Variants in CACNA2D3 observed in about 807,000 individuals in gnomAD.
The protein encoded by CACNA2D3 is voltage-dependent calcium channel subunit alpha-2/delta-3.
In CACNA2D3, 60 loss-of-function variants were observed where a neutral mutation model predicts 160.6. That is an observed-to-expected ratio of 0.37 (90% CI 0.30 to 0.46). The LOEUF (loss-of-function observed/expected upper bound fraction) is 0.46. Among genes scored for constraint, CACNA2D3 ranks in the 20% least tolerant of loss-of-function variants. The pLI is 1.00. For synonymous variants in CACNA2D3, 558 were observed against 492.9 expected (o/e 1.13, Z -1.75); for missense variants, 1,205 against 1,365.0 (o/e 0.88, Z 1.85).
intron 5 of CACNA2D3, among the ~76,000 whole-genome samples, chr3:54,515,161 CGTGTGTGTGTGTCTGT>C (rs1359319368): frequency 7.5e-6 from 1 of 133,234 alleles, no homozygotes; most frequent in African/African-American, 2.8e-5. Context: ...TAGTAAAATC[CGTGTGTGTGTGTCTGT>C]GTGTGTGTGT....
chr3:54,798,460 C>T (rs932144499), intron 13 of CACNA2D3, among the ~76,000 whole-genome samples: 7 of 152,154 alleles, frequency 4.6e-5, no homozygotes, highest in African/African-American at 1.2e-4. Flanking sequence ...TGCTTGAACC[C>T]GAGAGGCAGA....
In CACNA2D3 at chr3:54,715,274, A is replaced by G. The variant is rs1337328559; in HGVS notation, c.1168-37325A>G. 4.6e-5 allele frequency among the ~76,000 whole-genome samples: 7 copies of G among 152,280 alleles called. No homozygotes were observed. The East Asian group carries it at 1.2e-3, about 25-fold the overall frequency. Reference sequence around the variant, plus strand: ...CACGTTTATTATAAAGGATATTACAAAGGATACAGTTCAACAGCCAGATGG... The same window carrying G: ...CACGTTTATTATAAAGGATATTACAGAGGATACAGTTCAACAGCCAGATGG... On this transcript the variant is annotated intron_variant, in intron 11 of 37. Coordinates refer to ENST00000474759, the MANE Select transcript of CACNA2D3 (RefSeq NM_018398.3).
At chr3:54,683,577 A>G (rs1408250535) in intron 11 of CACNA2D3, among the ~76,000 whole-genome samples, 2 of 152,160 alleles carry the variant, frequency 1.3e-5, no homozygotes, top group Non-Finnish European at 2.9e-5. Flanking sequence ...AATAATGCAT[A>G]CAATACACAC....
At chr3:54,996,971 A>G (rs796147209) in intron 31 of CACNA2D3, among the ~76,000 whole-genome samples, 9 of 152,250 alleles carry the variant, frequency 5.9e-5, no homozygotes, top group African/African-American at 9.6e-5. Context: ...GAGTTGAACA[A>G]TGAGAACACA....
intron 14 of CACNA2D3, among the ~76,000 whole-genome samples, chr3:54,820,494 A>G (rs891425844): frequency 6.6e-5 from 10 of 152,232 alleles, no homozygotes; most frequent in Admixed American, 3.3e-4. Flanking sequence ...CCTAGACTCT[A>G]TAAATTTCAA....
rs538290415 is a variant in CACNA2D3, at chr3:54,909,067, G to A, written c.2449+9199G>A. Among the ~76,000 whole-genome samples the A allele has an allele frequency of 1.2e-4, 18 of 152,332 alleles. No homozygotes were observed. The East Asian group carries it at 3.3e-3, about 28-fold the overall frequency. On this transcript the variant is annotated intron_variant, in intron 27 of 37. Coordinates refer to ENST00000474759, the MANE Select transcript of CACNA2D3 (RefSeq NM_018398.3). The stretch of plus-strand genomic sequence containing the variant: ...ATCAGAGGTTATGTAAGTGGATGCC[G>A]AAGACAGAGCTTTGTGTATCAGAGG...
At chr3:54,264,659 T>C (rs988047471) in intron 2 of CACNA2D3, among the ~76,000 whole-genome samples, 2 of 152,234 alleles carry the variant, frequency 1.3e-5, no homozygotes, top group Non-Finnish European at 2.9e-5. Context: ...ATAGGCTCAG[T>C]GCAGCTGGTG....
At position 54,741,489 on chromosome 3, in the gene CACNA2D3, C is replaced by CA. The variant is rs554144525; in HGVS notation, c.1168-11108dup. ...AAGTAACTTGCTGGGCAAGGTGGCT[C>CA]AACGCCACCCTGGGAGGCTGAGGTG... On this transcript the variant is annotated intron_variant, in intron 11 of 37. Transcript: ENST00000474759. Among the ~76,000 whole-genome samples the CA allele has an allele frequency of 4.5e-4, 69 of 152,114 alleles. 2 individuals are homozygous for CA. In the South Asian group the frequency reaches 0.014, roughly 31 times the overall value.
At chr3:55,015,418 T>C (rs1322159902) in intron 34 of CACNA2D3, among the ~76,000 whole-genome samples, 2 of 152,206 alleles carry the variant, frequency 1.3e-5, no homozygotes, top group East Asian at 3.8e-4. Context: ...ACTATTAAAT[T>C]AATTAATTCA....
intron 5 of CACNA2D3, among the ~76,000 whole-genome samples, chr3:54,554,232 ACT>A (rs1208454095): frequency 6.6e-6 from 1 of 152,014 alleles, no homozygotes; most frequent in Non-Finnish European, 1.5e-5. Context: ...ACAGACAGTA[ACT>A]CTCTGGCTTA....
At chr3:54,705,735 G>A (rs943734246) in intron 11 of CACNA2D3, among the ~76,000 whole-genome samples, 10 of 152,164 alleles carry the variant, frequency 6.6e-5, no homozygotes, top group Admixed American at 1.3e-4. Context: ...GCATAATAGG[G>A]CATCTTCCTG....
intron 17 of CACNA2D3, among the ~76,000 whole-genome samples, chr3:54,863,117 C>G (rs1005978337): frequency 7.2e-5 from 11 of 152,200 alleles, no homozygotes; most frequent in Non-Finnish European, 1.2e-4. Context: ...TTTCTGAAAA[C>G]TTTTATGAAC....
At chr3:54,597,580 A>G (rs74639341) in intron 9 of CACNA2D3, among the ~76,000 whole-genome samples, 5,153 of 152,260 alleles carry the variant, frequency 0.034, 139 homozygotes, top group South Asian at 0.076. Flanking sequence ...TTGTCCTGCT[A>G]TAGTTTAAAA....
At chr3:54,757,641 G>A (rs931183059) in intron 12 of CACNA2D3, among the ~76,000 whole-genome samples, 1 of 152,196 alleles carries the variant, frequency 6.6e-6, no homozygotes, top group Non-Finnish European at 1.5e-5. Context: ...AATGAAGATG[G>A]TGATGCTTGC....
intron 35 of CACNA2D3, among the ~76,000 whole-genome samples, chr3:55,073,112 A>AAATT (rs1365644167): frequency 6.6e-6 from 1 of 152,160 alleles, no homozygotes; most frequent in Non-Finnish European, 1.5e-5. Context: ...TGGGAGAAGG[A>AAATT]AATTAGGCTT....
At chr3:54,888,075 G>T in intron 24 of CACNA2D3, 23 bp downstream of exon 24, 1 of 1,543,846 alleles carries the variant, frequency 6.5e-7, no homozygotes, top group Non-Finnish European at 9.0e-7. Flanking sequence ...ACGTGTCCTC[G>T]TTTCATGGCC....
At chr3:54,437,629 A>C (rs991501656) in intron 4 of CACNA2D3, among the ~76,000 whole-genome samples, 1 of 152,236 alleles carries the variant, frequency 6.6e-6, no homozygotes, top group African/African-American at 2.4e-5. Context: ...AGGATGTTCA[A>C]GAAATCTTTT....
intron 11 of CACNA2D3, among the ~76,000 whole-genome samples, chr3:54,709,848 C>T (rs1202273003): frequency 6.6e-6 from 1 of 152,148 alleles, no homozygotes; most frequent in African/African-American, 2.4e-5. Context: ...ATTACTTGAT[C>T]CTAGGAGTTT....
At chr3:54,139,536 T>TA (rs1355177673) in intron 2 of CACNA2D3, among the ~76,000 whole-genome samples, 1 of 152,208 alleles carries the variant, frequency 6.6e-6, no homozygotes, top group Admixed American at 6.5e-5. Context: ...GCCTCATTCT[T>TA]AGAGTTGTGT....
Sources: gnomAD v4.1 joint callset for allele counts (sites outside exome capture counted in the v4.1 genomes callset) on GRCh38, gnomAD v4.1.1 for gene constraint, MANE v1.5 for transcripts, NCBI Gene and HGNC (gene_info 2026-07-23, HGNC 2026-07-21) for gene names.